MTUS2: variants seen among roughly 807,000 people sequenced by gnomAD.
MTUS2 encodes microtubule associated scaffold protein 2, also known as microtubule-associated tumor suppressor candidate 2.
In MTUS2, 40 loss-of-function variants were observed where a neutral mutation model predicts 114.1. That is an observed-to-expected ratio of 0.35 (90% CI 0.27 to 0.46). The LOEUF (loss-of-function observed/expected upper bound fraction) is 0.46, where lower values mean the gene tolerates loss of function less well. Among genes scored for constraint, MTUS2 ranks in the 20% least tolerant of loss-of-function variants. The pLI, the probability that MTUS2 is intolerant of heterozygous loss-of-function variation, is 1.00. For synonymous variants in MTUS2, 688 were observed against 672.0 expected, an observed-to-expected ratio of 1.02 and a Z score of -0.37; for missense variants, 1,679 against 1,705.4, an observed-to-expected ratio of 0.98 and a Z score of 0.27.
chr13:29,227,335 C>A (rs1178902888), intron 5 of MTUS2, among the ~76,000 whole-genome samples: 1 of 151,238 alleles, frequency 6.6e-6, no homozygotes, highest in Non-Finnish European at 1.5e-5. Flanking sequence ...TATGTCATGA[C>A]AAATTGAGAG....
At chr13:29,401,022 C>T (rs971461520) in intron 8 of MTUS2, among the ~76,000 whole-genome samples, 1 of 152,208 alleles carries the variant, frequency 6.6e-6, no homozygotes, top group South Asian at 2.1e-4. Context: ...GAGTCTTGCT[C>T]TGTCACCCAG....
At chr13:28,885,885 C>A (rs1306346419) in intron 2 of MTUS2, among the ~76,000 whole-genome samples, 1 of 152,044 alleles carries the variant, frequency 6.6e-6, no homozygotes, top group Non-Finnish European at 1.5e-5. Context: ...ATTGGAAAAC[C>A]TTTAGAAGGG....
At chr13:28,946,809 C>G (rs550312878) in intron 2 of MTUS2, among the ~76,000 whole-genome samples, 67 of 152,272 alleles carry the variant, frequency 4.4e-4, no homozygotes, top group African/African-American at 1.5e-3. Context: ...CTTGGCCCCC[C>G]AAACTGCTTG....
At chr13:29,176,803 C>G (rs746182527) in intron 5 of MTUS2, among the ~76,000 whole-genome samples, 2 of 148,752 alleles carry the variant, frequency 1.3e-5, no homozygotes, top group Non-Finnish European at 2.9e-5. Context: ...GATAACAGCT[C>G]TTCGTGAGGC....
rs547611853 is a variant in MTUS2 at position 29,480,422 on chromosome 13, G to A, written c.3399+58G>A. ...TGGGTGATGCAGGTGGCGGGCGGCGGGGATCCAGTGCCACATTAGCAAGAA... is the reference window on the plus strand; with the variant it reads ...TGGGTGATGCAGGTGGCGGGCGGCGAGGATCCAGTGCCACATTAGCAAGAA... On this transcript the variant is annotated intron_variant, in intron 10 of 15. Coordinates refer to ENST00000612955, the MANE Select transcript of MTUS2 (RefSeq NM_001033602.4). This position sits in a 1 kb window ranked among gnomAD's most constrained non-coding sequence, Gnocchi z 4.4. The A allele has an allele frequency of 1.4e-6, 2 of 1,451,858 alleles. No individual in the cohort carries two copies. The highest frequency in any genetic ancestry group is 2.7e-5 in the Admixed American group (1 of 37,492). The allele number at this position is 1,451,858 out of a possible 1,614,324, so 89.9% of individuals were successfully genotyped here.
intron 5 of MTUS2, among the ~76,000 whole-genome samples, chr13:29,228,918 A>C (rs1490166263): frequency 1.3e-5 from 2 of 152,136 alleles, no homozygotes; most frequent in Non-Finnish European, 1.5e-5. Context: ...CTCTGGGAAC[A>C]GCTATGCATT....
intron 8 of MTUS2, among the ~76,000 whole-genome samples, chr13:29,367,617 G>A (rs888557887): frequency 6.6e-6 from 1 of 152,134 alleles, no homozygotes; most frequent in Non-Finnish European, 1.5e-5. Flanking sequence ...GGGGACCTGG[G>A]GTCCCGATGG....
chr13:29,272,424 T>G (rs1440861814), intron 5 of MTUS2, among the ~76,000 whole-genome samples: 2 of 152,248 alleles, frequency 1.3e-5, no homozygotes, highest in African/African-American at 4.8e-5. Context: ...TGTTTTGCTT[T>G]TCTTCTGCAG....
intron 4 of MTUS2, among the ~76,000 whole-genome samples, chr13:29,058,568 T>C (rs879914288): frequency 0.055 from 371 of 6,734 alleles, 5 homozygotes; most frequent in Middle Eastern, 0.2. Flanking sequence ...GGTTGATGCT[T>C]TTTTTTTTTT....
At chr13:29,426,395 A>G (rs758847251) in intron 8 of MTUS2, among the ~76,000 whole-genome samples, 4 of 152,244 alleles carry the variant, frequency 2.6e-5, no homozygotes, top group Non-Finnish European at 2.9e-5. Context: ...TGAATGTGTT[A>G]CGCCATCGTA....
chr13:28,847,868 A>AG (rs1348682301), intron 2 of MTUS2, among the ~76,000 whole-genome samples: 1 of 152,044 alleles, frequency 6.6e-6, no homozygotes, highest in African/African-American at 2.4e-5. Context: ...CGTTATGCAA[A>AG]GCTCAGACTT....
chr13:29,226,674 GAATT>G (rs1476194081), intron 5 of MTUS2, among the ~76,000 whole-genome samples: 35 of 56,452 alleles, frequency 6.2e-4, no homozygotes, highest in Non-Finnish European at 1.0e-3. Context: ...CTTAAAACTT[GAATT>G]ACCTTTATTT....
At chr13:29,465,701 A>T (rs1444036752) in intron 9 of MTUS2, among the ~76,000 whole-genome samples, 1 of 151,656 alleles carries the variant, frequency 6.6e-6, no homozygotes, top group Admixed American at 6.6e-5. Context: ...TGCTTGTTCC[A>T]CTTGACCATC....
chr13:29,263,867 C>G (rs1408552443), intron 5 of MTUS2, among the ~76,000 whole-genome samples: 3 of 152,130 alleles, frequency 2.0e-5, no homozygotes, highest in African/African-American at 7.2e-5. Flanking sequence ...GGACACAGAT[C>G]CAAACCATAT....
chr13:29,253,023 G>T (rs776981542), intron 5 of MTUS2, among the ~76,000 whole-genome samples: 3 of 151,692 alleles, frequency 2.0e-5, no homozygotes, highest in Non-Finnish European at 4.4e-5. Context: ...AAGAGAATTG[G>T]ATGTTTATAC....
chr13:28,988,488 C>T (rs553930925), intron 2 of MTUS2, among the ~76,000 whole-genome samples: 1 of 152,298 alleles, frequency 6.6e-6, no homozygotes, highest in Admixed American at 6.5e-5. Context: ...TCTATCCCTA[C>T]TGTTCTACTA....
chr13:29,220,312 C>T (rs982469801), intron 5 of MTUS2, among the ~76,000 whole-genome samples: 14 of 152,182 alleles, frequency 9.2e-5, no homozygotes, highest in Non-Finnish European at 1.9e-4. Flanking sequence ...TGGAATAGCA[C>T]TTTTAATTGC....
At chr13:29,031,415 T>TGTAG (rs1886821892) in intron 3 of MTUS2, among the ~76,000 whole-genome samples, 1 of 151,728 alleles carries the variant, frequency 6.6e-6, no homozygotes, top group South Asian at 2.1e-4. Flanking sequence ...TCTATATATA[T>TGTAG]ATATAGAGAG....
intron 2 of MTUS2, among the ~76,000 whole-genome samples, chr13:28,907,707 C>G (rs2058187196): frequency 6.6e-6 from 1 of 151,562 alleles, no homozygotes; most frequent in Admixed American, 6.6e-5. Flanking sequence ...AGCTAACTAT[C>G]CTAAATATAT....
Sources: allele counts gnomAD v4.1 joint callset (sites outside exome capture counted in the v4.1 genomes callset), GRCh38; gene constraint gnomAD v4.1.1; non-coding constraint Gnocchi (gnomAD v3.1); transcripts MANE v1.5; gene names NCBI Gene and HGNC (gene_info 2026-07-23, HGNC 2026-07-21).